The following CDK6 variants were observed in gnomAD, a reference collection of about 807,000 sequenced individuals.
CDK6 encodes cyclin-dependent kinase 6.
CDK6 carries 6 observed loss-of-function variants against 37.1 expected under a neutral mutation model. The ratio of observed to expected loss-of-function variants is 0.16; its 90% CI spans 0.09 to 0.32. The LOEUF (loss-of-function observed/expected upper bound fraction) is 0.32. Among genes scored for constraint, CDK6 ranks in the 10% least tolerant of loss-of-function variants. The pLI is 1.00. For synonymous variants in CDK6, 160 were observed against 161.3 expected, an observed-to-expected ratio of 0.99 and a Z score of 0.06; for missense variants, 224 against 418.9, an observed-to-expected ratio of 0.53 and a Z score of 4.06.
intron 5 of CDK6, among the ~76,000 whole-genome samples, chr7:92,662,955 A>G (rs191867744): frequency 8.5e-5 from 13 of 152,136 alleles, no homozygotes; most frequent in Non-Finnish European, 1.9e-4. Flanking sequence ...CTTGAAGAAG[A>G]TTGTGAGTAA....
At chr7:92,635,478 C>G (rs1265304643) in intron 5 of CDK6, among the ~76,000 whole-genome samples, 2 of 152,146 alleles carry the variant, frequency 1.3e-5, no homozygotes, top group African/African-American at 2.4e-5. Context: ...CTGTCGTACT[C>G]CATATCATGG....
At chr7:92,660,376 G>A (rs1661739768) in intron 5 of CDK6, among the ~76,000 whole-genome samples, 1 of 152,168 alleles carries the variant, frequency 6.6e-6, no homozygotes, top group Non-Finnish European at 1.5e-5. Flanking sequence ...CAGGACAAGA[G>A]AAGAGCAAGG....
At chr7:92,710,118 C>T (rs1025391752) in intron 4 of CDK6, among the ~76,000 whole-genome samples, 11 of 152,200 alleles carry the variant, frequency 7.2e-5, no homozygotes, top group Admixed American at 1.3e-4. Context: ...CCTGTACATT[C>T]GTTGTTCACC....
Position 92,802,642 on chromosome 7 carries a change from G to A in CDK6, c.234-27811C>T, listed in dbSNP as rs145781723. ...TATGTACACAGCTGCAGTTCCCACC[G>A]TTTAGGAGTTTACAATATATGATCA... On this transcript the variant is annotated intron_variant, in intron 2 of 7. Transcript: ENST00000424848. 2.0e-3 allele frequency among the ~76,000 whole-genome samples: 310 copies of A among 152,262 alleles called. 2 individuals carry two copies. Among genetic ancestry groups the A allele is most frequent in the African/African-American group, 7.1e-3 (296 of 41,552 alleles).
chr7:92,697,318 C>T (rs1001911914), intron 4 of CDK6, among the ~76,000 whole-genome samples: 3 of 152,142 alleles, frequency 2.0e-5, no homozygotes, highest in Non-Finnish European at 4.4e-5. Context: ...CTCAAAGAAA[C>T]CCCAGAGCTG....
At chr7:92,652,752 C>A (rs1203476405) in intron 5 of CDK6, among the ~76,000 whole-genome samples, 2 of 152,182 alleles carry the variant, frequency 1.3e-5, no homozygotes, top group African/African-American at 4.8e-5. Flanking sequence ...CTGTGAAGAG[C>A]TGGATGTTGG....
At chr7:92,809,361 A>C (rs1339140743) in intron 2 of CDK6, among the ~76,000 whole-genome samples, 3 of 152,192 alleles carry the variant, frequency 2.0e-5, no homozygotes, top group Non-Finnish European at 2.9e-5. Flanking sequence ...ATATAAAACT[A>C]ATTGACAACG....
chr7:92,827,805 C>A (rs2116008575), intron 2 of CDK6, among the ~76,000 whole-genome samples: 1 of 152,278 alleles, frequency 6.6e-6, no homozygotes, highest in East Asian at 1.9e-4. Context: ...AAGAAGCTCA[C>A]AATTAATTTA....
Position 92,835,542 on chromosome 7 carries a change from GTT to G in CDK6, c.-368+934_-368+935del, listed in dbSNP as rs1176519313. Among the ~76,000 whole-genome samples the G allele has an allele frequency of 6.6e-6, 1 of 152,178 alleles. No homozygotes were observed. The highest frequency in any genetic ancestry group is 2.4e-5 in the African/African-American group (1 of 41,426). On this transcript the variant is annotated intron_variant, in intron 1 of 7. Coordinates refer to ENST00000424848, the MANE Select transcript of CDK6 (RefSeq NM_001145306.2). The surrounding 1 kb of genome is among the most constrained non-coding windows in gnomAD (Gnocchi z 4.2). Reference sequence around the variant, plus strand: ...GTGACTTGACCCCATTTCAAAAAAAGTTTGACATAGTGCTTCAACATTTCCGC... The same window carrying G: ...GTGACTTGACCCCATTTCAAAAAAAGTGACATAGTGCTTCAACATTTCCGC...
At chr7:92,651,436 A>C (rs1462571827) in intron 5 of CDK6, among the ~76,000 whole-genome samples, 1 of 152,196 alleles carries the variant, frequency 6.6e-6, no homozygotes, top group East Asian at 1.9e-4. Context: ...CTGCCCCAAA[A>C]CAACAAACAA....
At chr7:92,687,643 T>C (rs1321857152) in intron 4 of CDK6, among the ~76,000 whole-genome samples, 1 of 152,220 alleles carries the variant, frequency 6.6e-6, no homozygotes, top group Admixed American at 6.5e-5. Context: ...TTCATATACA[T>C]GTATAATTGC....
At chr7:92,637,140 C>T (rs927321965) in intron 5 of CDK6, among the ~76,000 whole-genome samples, 7 of 152,190 alleles carry the variant, frequency 4.6e-5, no homozygotes, top group African/African-American at 1.7e-4. Context: ...TTCTTCTATA[C>T]TGTACTTAAG....
At chr7:92,803,730 C>T (rs1800652022) in intron 2 of CDK6, among the ~76,000 whole-genome samples, 2 of 151,814 alleles carry the variant, frequency 1.3e-5, no homozygotes, top group Admixed American at 6.6e-5. Context: ...ATAACCCAAA[C>T]GAGAGAGAGA....
chr7:92,799,631 C>A (rs1364722681), intron 2 of CDK6, among the ~76,000 whole-genome samples: 1 of 152,092 alleles, frequency 6.6e-6, no homozygotes, highest in East Asian at 1.9e-4. Context: ...ACCGCCTGTG[C>A]TGTGAAGGTT....
intron 2 of CDK6, among the ~76,000 whole-genome samples, chr7:92,786,875 T>A (rs566110254): frequency 5.9e-4 from 89 of 151,944 alleles, no homozygotes; most frequent in Admixed American, 1.4e-3. Flanking sequence ...TATGTAAACA[T>A]AATGGTAGAA....
At chr7:92,732,604 A>T (rs1478161600) in intron 3 of CDK6, among the ~76,000 whole-genome samples, 1 of 149,956 alleles carries the variant, frequency 6.7e-6, no homozygotes, top group Non-Finnish European at 1.5e-5. Context: ...TATTTGTGTG[A>T]TATAGAAGAT....
rs560489680 is a variant in CDK6 at position 92,608,225 on chromosome 7, CT to C, written c.*6914del. 947 of 232,128 alleles carry C rather than the reference CT, an allele frequency of 4.1e-3. 2 individuals carry two copies. The highest frequency in any genetic ancestry group is 6.0e-3 in the Non-Finnish European group (704 of 117,472). 14.4% of individuals were successfully genotyped at this position (232,128 alleles called of 1,614,324 possible). A position where few individuals can be genotyped will look rare whatever the true frequency, so the allele number is the denominator to read the frequency against. ...GTTATATGCCCCCTTTGAGAAAAAC[CT>C]ACATTTGACAATCCAAACTCCTAAA... On this transcript the variant is annotated 3_prime_UTR_variant, in exon 8 of 8. Coordinates refer to ENST00000424848, the MANE Select transcript of CDK6 (RefSeq NM_001145306.2).
Position 92,643,303 on chromosome 7 carries a change from G to A in CDK6, c.648-20217C>T, listed in dbSNP as rs190748500. ...TAAGAAAAGAAAGAGGTGATCCAGA[G>A]GAGTCTGTAAGTCCATGAAGAACTT... is the stretch of plus-strand genomic sequence containing the variant. On this transcript the variant is annotated intron_variant, in intron 5 of 7. Transcript: ENST00000424848. 1.8e-3 allele frequency among the ~76,000 whole-genome samples: 281 copies of A among 152,330 alleles called. 5 individuals are homozygous for A. Among genetic ancestry groups the A allele is most frequent in the Admixed American group, 0.017 (257 of 15,296 alleles).
At chr7:92,830,277 A>C (rs367826829) in intron 2 of CDK6, among the ~76,000 whole-genome samples, 75 of 152,360 alleles carry the variant, frequency 4.9e-4, no homozygotes, top group African/African-American at 1.6e-3. Context: ...AGGCAGTACC[A>C]GTGCCAGCAA....
Sources: allele counts gnomAD v4.1 joint callset (sites outside exome capture counted in the v4.1 genomes callset), GRCh38; gene constraint gnomAD v4.1.1; non-coding constraint Gnocchi (gnomAD v3.1); transcripts MANE v1.5; gene names NCBI Gene and HGNC (gene_info 2026-07-23, HGNC 2026-07-21).